The following CNTNAP3 variants were observed in gnomAD, a reference collection of about 807,000 sequenced individuals.
The protein encoded by CNTNAP3 is contactin associated protein family member 3.
A neutral mutation model predicts 92.1 loss-of-function variants in CNTNAP3; 36 were observed. The observed-to-expected ratio is 0.39, with a 90% CI of 0.30 to 0.52. The LOEUF (loss-of-function observed/expected upper bound fraction) is 0.52, where lower values mean the gene tolerates loss of function less well. CNTNAP3 is among the 20% of genes least tolerant of loss of function. The pLI, the probability that CNTNAP3 is intolerant of heterozygous loss-of-function variation, is 0.76. For missense variants in CNTNAP3, 534 were observed against 1,069.6 expected, an observed-to-expected ratio of 0.50 and a Z score of 6.98; for synonymous variants, 232 against 422.3, an observed-to-expected ratio of 0.55 and a Z score of 5.53.
At chr9:39,131,445 G>A (rs1031496853) in intron 13 of CNTNAP3, among the ~76,000 whole-genome samples, 3 of 151,918 alleles carry the variant, frequency 2.0e-5, no homozygotes, top group African/African-American at 7.3e-5. Flanking sequence ...AGACCAAATT[G>A]GCTGGCAGGC....
chr9:39,120,402 C>CGGT (rs1820987053), intron 13 of CNTNAP3, among the ~76,000 whole-genome samples: 1 of 152,132 alleles, frequency 6.6e-6, no homozygotes, highest in African/African-American at 2.4e-5. Flanking sequence ...AGGCCGGGTG[C>CGGT]GGTGGCTCAC....
intron 10 of CNTNAP3, among the ~76,000 whole-genome samples, chr9:39,146,471 C>A (rs544189934): frequency 6.6e-6 from 1 of 152,256 alleles, no homozygotes; most frequent in South Asian, 2.1e-4. Flanking sequence ...GGGTGGATGA[C>A]GAGGTCAGGA....
At position 39,085,718 on chromosome 9, in the gene CNTNAP3, G is replaced by C; in HGVS notation, c.3442+18C>G. On this transcript the variant is annotated intron_variant, in intron 21 of 23. Coordinates refer to ENST00000297668, the MANE Select transcript of CNTNAP3 (RefSeq NM_033655.5). ...TGACATGACACTTATTTGGGAAAAAGCTCTTTCTCCTACTTACCTAAAACC... is the reference window on the plus strand; with the variant it reads ...TGACATGACACTTATTTGGGAAAAACCTCTTTCTCCTACTTACCTAAAACC... The C allele has an allele frequency of 3.3e-6, 5 of 1,500,968 alleles. 1 individual carries two copies. Among genetic ancestry groups the C allele is most frequent in the Non-Finnish European group, 4.5e-6 (5 of 1,104,798 alleles). The allele number at this position is 1,500,968 out of a possible 1,614,324, so 93.0% of individuals were successfully genotyped here. A position where few individuals can be genotyped will look rare whatever the true frequency, so the allele number is the denominator to read the frequency against.
chr9:39,080,795 G>C (rs1457071711), intron 21 of CNTNAP3, among the ~76,000 whole-genome samples: 1 of 136,476 alleles, frequency 7.3e-6, no homozygotes, highest in Non-Finnish European at 1.6e-5. Context: ...CCAAGTAGTT[G>C]GGACTACAGG....
At chr9:39,149,516 AT>A (rs767987099) in intron 10 of CNTNAP3, among the ~76,000 whole-genome samples, 521 of 144,112 alleles carry the variant, frequency 3.6e-3, no homozygotes, top group African/African-American at 9.5e-3. Flanking sequence ...CGCCTGGCTA[AT>A]TTTTTTTTTT....
intron 17 of CNTNAP3, among the ~76,000 whole-genome samples, chr9:39,101,292 C>T (rs1264209659): frequency 1.3e-5 from 2 of 151,834 alleles, no homozygotes; most frequent in African/African-American, 4.8e-5. Flanking sequence ...GCATTTAGTA[C>T]CTGGAAGTTG....
intron 13 of CNTNAP3, among the ~76,000 whole-genome samples, chr9:39,127,551 G>C (rs1227276938): frequency 6.6e-6 from 1 of 152,098 alleles, no homozygotes; most frequent in Non-Finnish European, 1.5e-5. Context: ...AAACAGATGA[G>C]ACAAACTATG....
chr9:39,081,216 TTTA>T (rs1210231486), intron 21 of CNTNAP3, among the ~76,000 whole-genome samples: 1 of 150,784 alleles, frequency 6.6e-6, no homozygotes, highest in African/African-American at 2.4e-5. Flanking sequence ...AGCACTACTA[TTTA>T]TTGTTTATCA....
intron 18 of CNTNAP3, among the ~76,000 whole-genome samples, chr9:39,097,445 G>T (rs1285966191): frequency 6.6e-6 from 1 of 152,016 alleles, no homozygotes; most frequent in Non-Finnish European, 1.5e-5. Context: ...CTCTCCTGGT[G>T]GAGAAACTGT....
chr9:39,144,728 CAG>C (rs1481089186), intron 10 of CNTNAP3, among the ~76,000 whole-genome samples: 2 of 146,180 alleles, frequency 1.4e-5, no homozygotes, highest in African/African-American at 2.5e-5. Context: ...GAAGGGGAAA[CAG>C]GGAGGAAGAT....
intron 14 of CNTNAP3, 151 bp from the exon 15 acceptor site, chr9:39,109,438 T>G: frequency 7.3e-7 from 1 of 1,378,670 alleles, no homozygotes; most frequent in Non-Finnish European, 9.8e-7. Context: ...GAGACTACCA[T>G]GAATCTAAAT....
At chr9:39,128,947 T>C (rs1190722907) in intron 13 of CNTNAP3, among the ~76,000 whole-genome samples, 1 of 150,854 alleles carries the variant, frequency 6.6e-6, no homozygotes, top group Non-Finnish European at 1.5e-5. Context: ...TTATAAAACA[T>C]ATAATCTCTG....
At chr9:39,108,241 G>A (rs1259166355) in intron 15 of CNTNAP3, among the ~76,000 whole-genome samples, 1 of 151,982 alleles carries the variant, frequency 6.6e-6, no homozygotes, top group Non-Finnish European at 1.5e-5. Context: ...CAAGGGTCCG[G>A]GACTCCTTCA....
At chr9:39,079,443 C>G (rs1175838464) in intron 21 of CNTNAP3, among the ~76,000 whole-genome samples, 1 of 150,666 alleles carries the variant, frequency 6.6e-6, no homozygotes, top group Non-Finnish European at 1.5e-5. Flanking sequence ...ATTTAAGATT[C>G]GATTATATTC....
rs1825562941 is a variant in CNTNAP3 at position 39,068,545 on chromosome 9, A to T, written c.*5345T>A. Among the ~76,000 whole-genome samples, 1 of 152,312 alleles carries T rather than the reference A, an allele frequency of 6.6e-6. No individual in the cohort carries two copies. The highest frequency in any genetic ancestry group is 2.4e-5 in the African/African-American group (1 of 41,488). On this transcript the variant is annotated 3_prime_UTR_variant, in exon 24 of 24. Transcript: ENST00000297668. ...TTTAAAGGTTGATAAATGCCGCTGT[A>T]ATTCTTTTGAGTGTTTCTTTCCCTT...
intron 15 of CNTNAP3, chr9:39,106,504 T>C (rs1349551606): frequency 2.6e-5 from 4 of 152,162 alleles, no homozygotes; most frequent in Non-Finnish European, 5.9e-5. Context: ...CGGGCTTGTG[T>C]TGAACTCCTA....
intron 9 of CNTNAP3, chr9:39,159,172 T>C (rs1416205196): frequency 1.3e-5 from 2 of 149,986 alleles, no homozygotes; most frequent in African/African-American, 4.9e-5. Flanking sequence ...ATAGTGTACC[T>C]ATGTATGCAT....
At position 39,103,898 on chromosome 9, in the gene CNTNAP3, T is replaced by G. The variant is rs1826529809; in HGVS notation, c.2382A>C (p.Ser794=). 6.2e-7 allele frequency: 1 copy of G among 1,607,932 alleles called. No individual in the cohort carries two copies. Among genetic ancestry groups the G allele is most frequent in the African/African-American group, 1.3e-5 (1 of 74,660 alleles). Residue 794 remains serine (S), a synonymous_variant, in exon 16 of 24, where the codon TCA becomes TCC. Coordinates refer to ENST00000297668, the MANE Select transcript of CNTNAP3 (RefSeq NM_033655.5). ...LCRGDQSFWN[S]ASFNTETSYL... is the part of the protein sequence containing the mutation. ...ATGAAGTCTCAGTGTTGAAGGAAGCTGAATTCCAGAATGACTCTGTTTACA... is the reference window on the plus strand; with the variant it reads ...ATGAAGTCTCAGTGTTGAAGGAAGCGGAATTCCAGAATGACTCTGTTTACA...
Position 39,073,750 on chromosome 9 carries a change from T to C in CNTNAP3, c.*140A>G. The C allele has an allele frequency of 5.4e-6, 1 of 185,916 alleles. No homozygotes were observed. Among genetic ancestry groups the C allele is most frequent in the Non-Finnish European group, 6.7e-6 (1 of 150,224 alleles). 11.5% of individuals were successfully genotyped at this position (185,916 alleles called of 1,614,324 possible). A position where few individuals can be genotyped will look rare whatever the true frequency, so the allele number is the denominator to read the frequency against. ...AGCCAGGTGACAGCACTGCACCTGCTTGTGTGCACCCTGATGGCAACAGCA... is the reference window on the plus strand; with the variant it reads ...AGCCAGGTGACAGCACTGCACCTGCCTGTGTGCACCCTGATGGCAACAGCA... On this transcript the variant is annotated 3_prime_UTR_variant, in exon 24 of 24. Coordinates refer to ENST00000297668, the MANE Select transcript of CNTNAP3 (RefSeq NM_033655.5).
Sources: allele counts gnomAD v4.1 joint callset (sites outside exome capture counted in the v4.1 genomes callset), GRCh38; gene constraint gnomAD v4.1.1; transcripts MANE v1.5; gene names NCBI Gene and HGNC (gene_info 2026-07-23, HGNC 2026-07-21).